The following GALNTL6 variants were observed in gnomAD, a reference collection of about 807,000 sequenced individuals.
GALNTL6 encodes polypeptide N-acetylgalactosaminyltransferase-like 6.
GALNTL6 carries 46 observed loss-of-function variants against 73.7 expected under a neutral mutation model. The observed-to-expected ratio is 0.62, with a 90% CI of 0.49 to 0.80. The LOEUF (loss-of-function observed/expected upper bound fraction) is 0.80. Among genes scored for constraint, GALNTL6 ranks in the 30% least tolerant of loss-of-function variants. The probability of loss-of-function intolerance (pLI) is 0.00; values close to 1 mark genes in which losing one functional copy is unlikely to be tolerated. For synonymous variants in GALNTL6, 259 were observed against 263.7 expected (o/e 0.98, Z 0.17); for missense variants, 604 against 755.0 (o/e 0.80, Z 2.34).
chr4:172,220,778 C>A (rs1323340286), intron 2 of GALNTL6, among the ~76,000 whole-genome samples: 1 of 151,820 alleles, frequency 6.6e-6, no homozygotes, highest in Middle Eastern at 3.4e-3. Context: ...AATTTAAAAT[C>A]ATCACTTCAG....
At chr4:173,000,152 C>T (rs1277168141) in intron 10 of GALNTL6, among the ~76,000 whole-genome samples, 1 of 152,078 alleles carries the variant, frequency 6.6e-6, no homozygotes, top group Non-Finnish European at 1.5e-5. Flanking sequence ...TCATTTAATA[C>T]TCACATCACA....
At chr4:172,313,488 A>C (rs1740436974) in intron 4 of GALNTL6, among the ~76,000 whole-genome samples, 1 of 152,172 alleles carries the variant, frequency 6.6e-6, no homozygotes, top group South Asian at 2.1e-4. Flanking sequence ...ACAAGTTTAG[A>C]AACAGTGCAG....
intron 2 of GALNTL6, among the ~76,000 whole-genome samples, chr4:172,216,989 T>G (rs546756978): frequency 6.6e-6 from 1 of 152,304 alleles, no homozygotes; most frequent in East Asian, 1.9e-4. Flanking sequence ...TGGTTGAGTT[T>G]GTCTAAAGAT....
At chr4:172,780,805 C>A (rs1403063232) in intron 5 of GALNTL6, among the ~76,000 whole-genome samples, 1 of 152,172 alleles carries the variant, frequency 6.6e-6, no homozygotes, top group African/African-American at 2.4e-5. Context: ...TTGAAAGAGG[C>A]CCATTTGGTC....
At chr4:172,899,961 G>T (rs1484376365) in intron 8 of GALNTL6, among the ~76,000 whole-genome samples, 1 of 152,158 alleles carries the variant, frequency 6.6e-6, no homozygotes, top group African/African-American at 2.4e-5. Flanking sequence ...GTTTTGGCCA[G>T]CTTCCTTACG....
intron 2 of GALNTL6, among the ~76,000 whole-genome samples, chr4:172,018,063 A>T (rs193289547): frequency 3.3e-5 from 5 of 152,216 alleles, no homozygotes; most frequent in Non-Finnish European, 7.4e-5. Flanking sequence ...TGTTGCAGGC[A>T]GTGGGATTAG....
intron 7 of GALNTL6, among the ~76,000 whole-genome samples, chr4:172,840,846 A>G (rs943755259): frequency 6.6e-6 from 1 of 152,196 alleles, no homozygotes; most frequent in Non-Finnish European, 1.5e-5. Flanking sequence ...CCATTAGCTA[A>G]CTGCCCTTCA....
chr4:172,529,006 T>TAC (rs1554032890), intron 5 of GALNTL6, among the ~76,000 whole-genome samples: 1,125 of 31,602 alleles, frequency 0.036, 29 homozygotes, highest in East Asian at 0.29. Context: ...TATATATATA[T>TAC]ACACACACAC....
At chr4:172,321,198 G>C (rs1207772232) in intron 4 of GALNTL6, among the ~76,000 whole-genome samples, 1 of 152,072 alleles carries the variant, frequency 6.6e-6, no homozygotes, top group Non-Finnish European at 1.5e-5. Context: ...TGCAGTTTTA[G>C]GCATCTACTA....
At chr4:172,156,558 T>TA (rs1734292082) in intron 2 of GALNTL6, among the ~76,000 whole-genome samples, 13 of 132,688 alleles carry the variant, frequency 9.8e-5, no homozygotes, top group Middle Eastern at 3.8e-3. Context: ...TATATATATA[T>TA]ATATATATAC....
At chr4:171,899,077 T>TATTTAGTATTTATTAATAATAAATAAAA (rs1737005791) in intron 2 of GALNTL6, among the ~76,000 whole-genome samples, 1 of 145,278 alleles carries the variant, frequency 6.9e-6, no homozygotes, top group Admixed American at 6.8e-5. Flanking sequence ...GTATTACTTT[T>TATTTAGTATTTATTAATAATAAATAAAA]ATTTAGTATT....
intron 3 of GALNTL6, among the ~76,000 whole-genome samples, chr4:172,293,935 A>AT (rs1354065318): frequency 6.6e-6 from 1 of 151,306 alleles, no homozygotes; most frequent in African/African-American, 2.4e-5. Flanking sequence ...AACATTTGTG[A>AT]TATCTAAAAG....
At chr4:173,009,514 T>G (rs1752451192) in intron 11 of GALNTL6, among the ~76,000 whole-genome samples, 2 of 152,234 alleles carry the variant, frequency 1.3e-5, no homozygotes, top group Non-Finnish European at 1.5e-5. Context: ...GTTCAGATAA[T>G]GTACACAATT....
chr4:172,602,758 A>G (rs1355562278), intron 5 of GALNTL6, among the ~76,000 whole-genome samples: 4 of 152,196 alleles, frequency 2.6e-5, no homozygotes, highest in African/African-American at 7.2e-5. Flanking sequence ...ATGAAAATGT[A>G]TATACACAAA....
intron 2 of GALNTL6, among the ~76,000 whole-genome samples, chr4:171,847,110 A>G (rs1253648147): frequency 2.6e-5 from 4 of 151,846 alleles, no homozygotes; most frequent in African/African-American, 9.7e-5. Flanking sequence ...AACTTTGTAG[A>G]ACACACCTTC....
Position 171,990,318 on chromosome 4 carries a change from A to G in GALNTL6, c.138+175600A>G, listed in dbSNP as rs992257570. Among the ~76,000 whole-genome samples, 4 of 152,150 alleles carry G rather than the reference A, an allele frequency of 2.6e-5. No individual in the cohort carries two copies. The East Asian group carries it at 5.8e-4, about 22-fold the overall frequency. The stretch of plus-strand genomic sequence containing the variant: ...TTTATTAATTCACTTATTTTTTTCA[A>G]TACTCATTTATTAAATAATCCTCAT... On this transcript the variant is annotated intron_variant, in intron 2 of 12. Coordinates refer to ENST00000506823, the MANE Select transcript of GALNTL6 (RefSeq NM_001034845.3).
intron 5 of GALNTL6, among the ~76,000 whole-genome samples, chr4:172,740,374 G>A (rs1540478): frequency 0.36 from 54,258 of 151,716 alleles, 10,685 homozygotes; most frequent in African/African-American, 0.52. Context: ...TGGGTTTGCA[G>A]CATGGCTGCC....
chr4:171,824,476 G>T (rs1364403355), intron 2 of GALNTL6, among the ~76,000 whole-genome samples: 3 of 151,974 alleles, frequency 2.0e-5, no homozygotes, highest in South Asian at 4.2e-4. Flanking sequence ...ATGGTGTAAG[G>T]CTTTAATAAG....
At chr4:171,819,808 T>C (rs148803248) in intron 2 of GALNTL6, among the ~76,000 whole-genome samples, 1 of 152,310 alleles carries the variant, frequency 6.6e-6, no homozygotes, top group Non-Finnish European at 1.5e-5. Context: ...TCTCCCTTGA[T>C]TGGCTTGCTT....
Sources: gnomAD v4.1 joint callset for allele counts (sites outside exome capture counted in the v4.1 genomes callset) on GRCh38, gnomAD v4.1.1 for gene constraint, MANE v1.5 for transcripts, NCBI Gene and HGNC (gene_info 2026-07-23, HGNC 2026-07-21) for gene names.